Variants in MND1 observed in about 807,000 individuals in gnomAD.
MND1 encodes the protein meiotic nuclear division protein 1 homolog.
MND1 carries 28 observed loss-of-function variants against 35.1 expected under a neutral mutation model. The observed-to-expected ratio is 0.80, with a 90% CI of 0.59 to 1.09. MND1 has a LOEUF of 1.09. Ranked by LOEUF, MND1 falls within the 50% of genes least tolerant of loss-of-function variation. The pLI, the probability that MND1 is intolerant of heterozygous loss-of-function variation, is 0.00. For synonymous variants in MND1, 69 were observed against 70.5 expected (o/e 0.98, Z 0.11); for missense variants, 213 against 239.6 (o/e 0.89, Z 0.73).
chr4:153,396,456 G>A (rs531083883), intron 5 of MND1, among the ~76,000 whole-genome samples: 44 of 152,304 alleles, frequency 2.9e-4, no homozygotes, highest in South Asian at 1.7e-3. Flanking sequence ...CTTACGAGTC[G>A]TGTTAGGCAG....
At chr4:153,409,272 T>C (rs555715213) in intron 7 of MND1, 1 of 169,796 alleles carries the variant, frequency 5.9e-6, no homozygotes, top group East Asian at 1.5e-4. Context: ...GTGCAACTTT[T>C]CCCAAGATAA....
At chr4:153,387,609 A>C (rs541640005) in intron 4 of MND1, among the ~76,000 whole-genome samples, 2 of 152,060 alleles carry the variant, frequency 1.3e-5, no homozygotes, top group Non-Finnish European at 2.9e-5. Context: ...AAAATGAAAA[A>C]TAAAAAAATT....
intron 4 of MND1, among the ~76,000 whole-genome samples, chr4:153,363,885 C>T (rs1773559537): frequency 6.6e-6 from 1 of 152,082 alleles, no homozygotes; most frequent in Non-Finnish European, 1.5e-5. Context: ...GCATGGTTAA[C>T]AAATGAGGAC....
intron 4 of MND1, among the ~76,000 whole-genome samples, chr4:153,380,667 T>C (rs1406691544): frequency 6.6e-6 from 1 of 152,228 alleles, no homozygotes; most frequent in Non-Finnish European, 1.5e-5. Context: ...ATTATATCTC[T>C]GTGCACTTAA....
intron 6 of MND1, among the ~76,000 whole-genome samples, chr4:153,398,085 C>A (rs1413566471): frequency 6.6e-6 from 1 of 152,036 alleles, no homozygotes; most frequent in Non-Finnish European, 1.5e-5. Context: ...ATTGAGTTGC[C>A]TTTTAAATAT....
rs1019122823 is a variant in MND1, at chr4:153,358,382, G to A, written c.128-92G>A. 8.4e-6 allele frequency: 9 copies of A among 1,071,932 alleles called. No individual in the cohort carries two copies. The African/African-American group carries it at 1.5e-4, about 17-fold the overall frequency. The allele number at this position is 1,071,932 out of a possible 1,614,324, so 66.4% of individuals were successfully genotyped here. A position where few individuals can be genotyped will look rare whatever the true frequency, so the allele number is the denominator to read the frequency against. ...ATTAACTTTTTAACTCTTGATTTGT[G>A]ATATGTTTTGCAAGTGTTTCCCCAG... On this transcript the variant is annotated intron_variant, in intron 3 of 7. Coordinates refer to ENST00000240488, the MANE Select transcript of MND1 (RefSeq NM_032117.4).
chr4:153,398,995 C>T (rs894914490), intron 6 of MND1, among the ~76,000 whole-genome samples: 1 of 152,192 alleles, frequency 6.6e-6, no homozygotes, highest in Non-Finnish European at 1.5e-5. Context: ...AAGAGAACTT[C>T]AAGCACAGTT....
chr4:153,344,672 T>A, upstream of MND1: 1 of 1,467,192 alleles, frequency 6.8e-7, no homozygotes, highest in Non-Finnish European at 9.3e-7. Context: ...ATCAAACGCG[T>A]CCTGGCCTGT....
At chr4:153,395,212 C>A (rs1469160637) in intron 5 of MND1, among the ~76,000 whole-genome samples, 2 of 152,204 alleles carry the variant, frequency 1.3e-5, no homozygotes, top group Non-Finnish European at 2.9e-5. Context: ...CTGGGCATAA[C>A]CTGAAGCTGT....
At position 153,344,729 on chromosome 4, in the gene MND1, G is replaced by C. The variant is rs1773027064; in HGVS notation, c.-9G>C. On this transcript the variant is annotated 5_prime_UTR_variant, in exon 1 of 8. Coordinates refer to ENST00000240488, the MANE Select transcript of MND1 (RefSeq NM_032117.4). ...GGGCCCGGCCAGCGGAAGCCCCTGC[G>C]CCCGCGCCATGGTAAGGACTGAGGC... is the stretch of plus-strand genomic sequence containing the variant. 6.3e-7 allele frequency: 1 copy of C among 1,594,584 alleles called. No individual in the cohort carries two copies. The highest frequency in any genetic ancestry group is 8.5e-7 in the Non-Finnish European group (1 of 1,171,930).
chr4:153,398,839 A>G (rs1371377461), intron 6 of MND1, among the ~76,000 whole-genome samples: 2 of 152,222 alleles, frequency 1.3e-5, no homozygotes, highest in Non-Finnish European at 2.9e-5. Flanking sequence ...CAAGCACATC[A>G]CAACAGGAGA....
intron 4 of MND1, among the ~76,000 whole-genome samples, chr4:153,364,016 T>C (rs2149636735): frequency 6.6e-6 from 1 of 152,266 alleles, no homozygotes; most frequent in East Asian, 1.9e-4. Flanking sequence ...GGAGGATCAC[T>C]TGAGCCCAGG....
At chr4:153,394,187 G>T in intron 4 of MND1, 75 bp from the exon 5 acceptor site, 1 of 1,384,354 alleles carries the variant, frequency 7.2e-7, no homozygotes. Context: ...ACTGCACCTG[G>T]TGGACTTTGT....
At chr4:153,380,605 C>G (rs1189117220) in intron 4 of MND1, among the ~76,000 whole-genome samples, 2 of 152,198 alleles carry the variant, frequency 1.3e-5, no homozygotes, top group African/African-American at 4.8e-5. Flanking sequence ...AATTGTAGTT[C>G]TCTTAACGAA....
rs888758599 is a variant in MND1, at chr4:153,358,766, T to G, written c.276+144T>G. On this transcript the variant is annotated intron_variant, in intron 4 of 7. Transcript: ENST00000240488. ...TCTAAAGATAATTAACATCTGTTTC[T>G]CCTAAACAATATGAGGAACTTAGAA... 55 of 711,488 alleles carry G rather than the reference T, an allele frequency of 7.7e-5. No homozygotes were observed. The Middle Eastern group carries it at 1.7e-3, about 22-fold the overall frequency. 44.1% of individuals were successfully genotyped at this position (711,488 alleles called of 1,614,324 possible). A position where few individuals can be genotyped will look rare whatever the true frequency, so the allele number is the denominator to read the frequency against.
intron 4 of MND1, among the ~76,000 whole-genome samples, chr4:153,390,655 T>C (rs1728994212): frequency 6.6e-6 from 1 of 152,022 alleles, no homozygotes; most frequent in African/African-American, 2.4e-5. Context: ...AAGACCAGCC[T>C]GGGCAACATG....
chr4:153,385,139 C>T (rs1728817706), intron 4 of MND1, among the ~76,000 whole-genome samples: 1 of 152,154 alleles, frequency 6.6e-6, no homozygotes, highest in Non-Finnish European at 1.5e-5. Context: ...TTTATAAATG[C>T]TTATTGAATG....
intron 4 of MND1, among the ~76,000 whole-genome samples, chr4:153,373,350 G>A (rs891296275): frequency 4.6e-5 from 7 of 152,106 alleles, no homozygotes; most frequent in Non-Finnish European, 1.0e-4. Flanking sequence ...TAGGCATAAT[G>A]GGGGCTGATT....
chr4:153,396,638 A>G (rs1729204605), intron 5 of MND1, among the ~76,000 whole-genome samples: 1 of 152,166 alleles, frequency 6.6e-6, no homozygotes, highest in African/African-American at 2.4e-5. Context: ...GACATTTCAA[A>G]TGGTTTTTAT....
Sources: allele counts gnomAD v4.1 joint callset (sites outside exome capture counted in the v4.1 genomes callset), GRCh38; gene constraint gnomAD v4.1.1; transcripts MANE v1.5; gene names NCBI Gene and HGNC (gene_info 2026-07-23, HGNC 2026-07-21).